The following TNRC6C variants were observed in gnomAD, a reference collection of about 807,000 sequenced individuals.
The protein encoded by TNRC6C is trinucleotide repeat-containing gene 6C protein.
TNRC6C carries 20 observed loss-of-function variants against 153.7 expected under a neutral mutation model. The ratio of observed to expected loss-of-function variants is 0.13; its 90% CI spans 0.09 to 0.19. The LOEUF is 0.19. Ranked by LOEUF, TNRC6C falls within the 10% of genes least tolerant of loss-of-function variation. The probability of loss-of-function intolerance (pLI) is 1.00; values close to 1 mark genes in which losing one functional copy is unlikely to be tolerated. For synonymous variants in TNRC6C, 811 were observed against 841.4 expected (o/e 0.96, Z 0.63); for missense variants, 1,987 against 2,172.0 (o/e 0.91, Z 1.69).
intron 1 of TNRC6C, among the ~76,000 whole-genome samples, chr17:77,977,497 A>G (rs1264832794): frequency 2.6e-5 from 4 of 152,240 alleles, no homozygotes; most frequent in Non-Finnish European, 4.4e-5. Flanking sequence ...TTGCAAAACA[A>G]AAAGACAACT....
At chr17:78,098,011 C>A (rs909453453) in intron 16 of TNRC6C, 150 bp downstream of exon 19, 7 of 733,250 alleles carry the variant, frequency 9.5e-6, no homozygotes, top group Non-Finnish European at 1.5e-5. Flanking sequence ...GGGGGCCTTG[C>A]CCAGGCACAG....
chr17:78,081,873 T>G (rs1275938827), intron 10 of TNRC6C, among the ~76,000 whole-genome samples: 1 of 152,206 alleles, frequency 6.6e-6, no homozygotes, highest in Admixed American at 6.5e-5. Flanking sequence ...CTGTGAGTAC[T>G]GATAGGAAGG....
chr17:78,054,318 CACCACTGCAG>C (rs2072600327), intron 3 of TNRC6C, among the ~76,000 whole-genome samples: 1 of 151,992 alleles, frequency 6.6e-6, no homozygotes, highest in African/African-American at 2.4e-5. Flanking sequence ...AGACTACGCA[CACCACTGCAG>C]ACTACTGCAC....
intron 2 of TNRC6C, among the ~76,000 whole-genome samples, chr17:78,035,201 A>G (rs955272731): frequency 3.3e-5 from 5 of 152,142 alleles, no homozygotes; most frequent in Non-Finnish European, 5.9e-5. Context: ...ACACTGTCCC[A>G]TGTTGTTACG....
At chr17:77,990,461 C>T (rs931010944) in intron 1 of TNRC6C, among the ~76,000 whole-genome samples, 1 of 152,150 alleles carries the variant, frequency 6.6e-6, no homozygotes, top group African/African-American at 2.4e-5. Flanking sequence ...CCTTTAGGCC[C>T]CCCATCATCT....
chr17:78,098,333 G>T lies in TNRC6C; in HGVS notation c.4307-10G>T. On this transcript the variant is annotated splice_polypyrimidine_tract_variant and intron_variant, in intron 16 of 19. Coordinates refer to ENST00000301624, the Ensembl canonical transcript of TNRC6C. ...AAGACTGCATATGCTCCATCTCTCT[G>T]CCTTTCTAGGTAAACTGTCAGACAT... 2 of 1,603,270 alleles carry T rather than the reference G, an allele frequency of 1.2e-6. No individual in the cohort carries two copies. Among genetic ancestry groups the T allele is most frequent in the South Asian group, 1.1e-5 (1 of 89,548 alleles).
chr17:78,071,045 G>A, intron 5 of TNRC6C, 40 bp from the exon 8 acceptor site: 1 of 1,551,232 alleles, frequency 6.4e-7, no homozygotes, highest in Non-Finnish European at 8.8e-7. Context: ...GCATTAAAAT[G>A]TAGCTCATGG....
intron 10 of TNRC6C, among the ~76,000 whole-genome samples, chr17:78,080,583 G>A (rs566504533): frequency 2.0e-5 from 3 of 152,222 alleles, no homozygotes; most frequent in Admixed American, 6.5e-5. Flanking sequence ...TACAATTTTA[G>A]GCTTTGGACC....
intron 3 of TNRC6C, among the ~76,000 whole-genome samples, chr17:78,061,212 C>T (rs1416886702): frequency 2.0e-5 from 3 of 152,066 alleles, no homozygotes; most frequent in Non-Finnish European, 4.4e-5. Context: ...AGTTTAATAT[C>T]AGTATTTTAA....
chr17:78,000,853 T>C (rs1361167956), upstream of TNRC6C, among the ~76,000 whole-genome samples: 1 of 152,172 alleles, frequency 6.6e-6, no homozygotes, highest in Admixed American at 6.5e-5. Context: ...ACAAAAAGAC[T>C]GGTAATTTGT....
chr17:78,103,505 G>A (rs2073634373), exon 19 of TNRC6C: 8 of 1,613,946 alleles, frequency 5.0e-6, no homozygotes, highest in Admixed American at 1.7e-5. Flanking sequence ...GCTGTGGTCC[G>A]GTACAGCTCC....
chr17:78,057,688 A>C (rs1192558928), intron 3 of TNRC6C, among the ~76,000 whole-genome samples: 2 of 152,200 alleles, frequency 1.3e-5, no homozygotes, highest in African/African-American at 4.8e-5. Context: ...TTTAGGTTTT[A>C]TTCAGCATAG....
At chr17:78,034,409 A>G (rs1331151823) in intron 2 of TNRC6C, among the ~76,000 whole-genome samples, 4 of 151,888 alleles carry the variant, frequency 2.6e-5, no homozygotes, top group Admixed American at 6.6e-5. Flanking sequence ...CTGTCTCACA[A>G]GTGTGCCATG....
intron 1 of TNRC6C, among the ~76,000 whole-genome samples, chr17:77,986,243 T>C (rs55868936): frequency 0.08 from 12,215 of 152,002 alleles, 1,278 homozygotes; most frequent in African/African-American, 0.25. Flanking sequence ...TGGAGAAACC[T>C]CGTCTCTATT....
intron 2 of TNRC6C, among the ~76,000 whole-genome samples, chr17:78,042,788 G>A (rs1191400291): frequency 2.6e-5 from 4 of 151,852 alleles, no homozygotes; most frequent in African/African-American, 4.8e-5. Context: ...GATGGTGGTG[G>A]TGGTGGTGTT....
exon 20 of TNRC6C, chr17:78,105,049 C>G: frequency 2.2e-6 from 1 of 463,630 alleles, no homozygotes; most frequent in Non-Finnish European, 3.5e-6. Context: ...ATGCTAATGA[C>G]AGGATGTTCC....
rs116272048 is a variant in TNRC6C, at chr17:77,966,806, C to A, written c.-38+7538C>A. On this transcript the variant is annotated intron_variant, in intron 1 of 22. Transcript: ENST00000636222. Reference sequence around the variant, plus strand: ...TTAGGGCCATACCCATAAAAAAATTCTTGACCTAGATCTTATATAACAGTC... The same window carrying A: ...TTAGGGCCATACCCATAAAAAAATTATTGACCTAGATCTTATATAACAGTC... Among the ~76,000 whole-genome samples, 1,516 of 152,220 alleles carry A rather than the reference C, an allele frequency of 1.0e-2. 29 individuals carry two copies. Among genetic ancestry groups the A allele is most frequent in the African/African-American group, 0.034 (1,417 of 41,534 alleles).
At chr17:77,984,249 G>A (rs1477670500) in intron 1 of TNRC6C, among the ~76,000 whole-genome samples, 1 of 152,002 alleles carries the variant, frequency 6.6e-6, no homozygotes, top group Non-Finnish European at 1.5e-5. Context: ...AGCCAGGCAC[G>A]GTGGCTCACG....
At chr17:78,051,177 T>C (rs759044309) in exon 3 of TNRC6C, 21 of 1,576,422 alleles carry the variant, frequency 1.3e-5, no homozygotes, top group Middle Eastern at 3.3e-4. Context: ...AGGACAGCAG[T>C]GAAGCAACTG....
Sources: gnomAD v4.1 joint callset for allele counts (sites outside exome capture counted in the v4.1 genomes callset) on GRCh38, gnomAD v4.1.1 for gene constraint, MANE v1.5 for transcripts, NCBI Gene and HGNC (gene_info 2026-07-23, HGNC 2026-07-21) for gene names.